DIP2C: variants seen among roughly 807,000 people sequenced by gnomAD.
DIP2C encodes DIP2 acetate--CoA ligase C (putative), also known as disco-interacting protein 2 homolog C.
Under a neutral mutation model 192.4 loss-of-function variants are expected in DIP2C, and 33 were observed. The ratio of observed to expected loss-of-function variants is 0.17; its 90% CI spans 0.13 to 0.23. The LOEUF is 0.23. Ranked by LOEUF, DIP2C falls within the 10% of genes least tolerant of loss-of-function variation. The pLI is 1.00. For synonymous variants in DIP2C, 979 were observed against 864.1 expected (o/e 1.13, Z -2.33); for missense variants, 1,537 against 2,110.1 (o/e 0.73, Z 5.32).
intron 1 of DIP2C, among the ~76,000 whole-genome samples, chr10:544,665 T>A (rs549577503): frequency 6.6e-6 from 1 of 152,218 alleles, no homozygotes; most frequent in Non-Finnish European, 1.5e-5. Context: ...TGGTTTTCAT[T>A]TTCATTTCTA....
At chr10:672,550 C>A (rs112022633) in intron 1 of DIP2C, among the ~76,000 whole-genome samples, 1 of 152,212 alleles carries the variant, frequency 6.6e-6, no homozygotes, top group African/African-American at 2.4e-5. Context: ...AACTGGAGGT[C>A]ACCATTAAAC....
intron 3 of DIP2C, among the ~76,000 whole-genome samples, chr10:463,233 T>C (rs936947470): frequency 6.6e-6 from 1 of 152,204 alleles, no homozygotes; most frequent in African/African-American, 2.4e-5. Context: ...GATGACATGA[T>C]TGTTATTTAG....
At position 473,908 on chromosome 10, in the gene DIP2C, G is replaced by A. The variant is rs907988534; in HGVS notation, c.158-1359C>T. Among the ~76,000 whole-genome samples, 6 of 152,276 alleles carry A rather than the reference G, an allele frequency of 3.9e-5. 1 individual carries two copies. Among genetic ancestry groups the A allele is most frequent in the South Asian group, 4.1e-4 (2 of 4,824 alleles). On this transcript the variant is annotated intron_variant, in intron 2 of 36. Transcript: ENST00000280886. ...TCTGAACATCAGCTTTTGATGGTGC[G>A]TGTGTGGGTCTCATGTATCAGGCTG...
At chr10:539,351 A>G (rs1315127827) in intron 1 of DIP2C, among the ~76,000 whole-genome samples, 1 of 152,338 alleles carries the variant, frequency 6.6e-6, no homozygotes, top group South Asian at 2.1e-4. Context: ...AGACTTTATT[A>G]TTCATTAAAC....
chr10:460,543 G>A (rs958761780), intron 3 of DIP2C, among the ~76,000 whole-genome samples: 3 of 152,136 alleles, frequency 2.0e-5, no homozygotes, highest in Admixed American at 1.3e-4. Flanking sequence ...TATTAACTAG[G>A]TCAATTATGT....
Position 424,382 on chromosome 10 carries a change from T to TTTTTTTTTG in DIP2C, c.395-1350_395-1349insCAAAAAAAA, listed in dbSNP as rs1388302720. Among the ~76,000 whole-genome samples, 24 of 101,406 alleles carry TTTTTTTTTG rather than the reference T, an allele frequency of 2.4e-4. 1 individual carries two copies. The highest frequency in any genetic ancestry group is 6.8e-4 in the Admixed American group (6 of 8,790). The allele number at this position is 101,406 out of a possible 152,430, so 66.5% of individuals were successfully genotyped here. A position where few individuals can be genotyped will look rare whatever the true frequency, so the allele number is the denominator to read the frequency against. On this transcript the variant is annotated intron_variant, in intron 4 of 36. Coordinates refer to ENST00000280886, the MANE Select transcript of DIP2C (RefSeq NM_014974.3). ...TTTTTTTTTTTTTTTTTTTTTTTTTTTGAGACAGAGTCTTCCTCTGTTGCC... is the reference window on the plus strand; with the variant it reads ...TTTTTTTTTTTTTTTTTTTTTTTTTTTTTTTTTTGTGAGACAGAGTCTTCCTCTGTTGCC...
intron 1 of DIP2C, among the ~76,000 whole-genome samples, chr10:577,309 A>C (rs916828234): frequency 1.3e-5 from 2 of 152,234 alleles, no homozygotes; most frequent in African/African-American, 4.8e-5. Context: ...ATTAGCAAAA[A>C]TTTAGAGGAA....
rs1023032127 is a variant in DIP2C at position 361,908 on chromosome 10, G to C, written c.2794+582C>G. On this transcript the variant is annotated intron_variant, in intron 22 of 36. Transcript: ENST00000280886. ...TGTTCCCTGCAACTCCACATTCCCC[G>C]TGTCAATCATAAAAACCAGGGACCG... Among the ~76,000 whole-genome samples, 24 of 151,930 alleles carry C rather than the reference G, an allele frequency of 1.6e-4. 1 individual carries two copies. The highest frequency in any genetic ancestry group is 1.6e-3 in the Admixed American group (24 of 15,254).
At chr10:618,432 G>A (rs939116795) in intron 1 of DIP2C, among the ~76,000 whole-genome samples, 1 of 152,200 alleles carries the variant, frequency 6.6e-6, no homozygotes, top group Non-Finnish European at 1.5e-5. Flanking sequence ...GGAGGAGCAA[G>A]CTGACCTGCC....
intron 3 of DIP2C, 28 bp downstream of exon 3, chr10:472,411 G>T: frequency 6.3e-7 from 1 of 1,595,984 alleles, no homozygotes; most frequent in Non-Finnish European, 8.6e-7. Context: ...GCAGATGGAC[G>T]TATTGTATCA....
intron 32 of DIP2C, among the ~76,000 whole-genome samples, chr10:295,774 C>CGAGGT (rs1955725710): frequency 6.6e-6 from 1 of 151,880 alleles, no homozygotes; most frequent in Non-Finnish European, 1.5e-5. Context: ...CTTGGGAGGC[C>CGAGGT]GAGGTGGGCT....
intron 1 of DIP2C, chr10:668,016 AACAT>A (rs568082980): frequency 7.7e-4 from 117 of 152,374 alleles, no homozygotes; most frequent in African/African-American, 2.6e-3. Context: ...ACACTCATAC[AACAT>A]ACAGACAACA....
chr10:283,504 GACT>G (rs1954945858), intron 34 of DIP2C, 58 bp from the exon 35 acceptor site: 1 of 1,584,464 alleles, frequency 6.3e-7, no homozygotes, highest in Non-Finnish European at 8.6e-7. Context: ...AGGGAAATGA[GACT>G]ACAACTACTT....
At chr10:648,714 C>G (rs541192306) in intron 1 of DIP2C, among the ~76,000 whole-genome samples, 1 of 148,088 alleles carries the variant, frequency 6.8e-6, no homozygotes, top group South Asian at 2.2e-4. Flanking sequence ...TAGGAGAGAA[C>G]AGAGCGAAAC....
At chr10:614,994 GTGA>G (rs1218934949) in intron 1 of DIP2C, among the ~76,000 whole-genome samples, 1 of 152,260 alleles carries the variant, frequency 6.6e-6, no homozygotes, top group Non-Finnish European at 1.5e-5. Flanking sequence ...GCCACCAGAT[GTGA>G]TGACACAGCC....
chr10:350,380 A>G (rs1958732315), intron 24 of DIP2C, among the ~76,000 whole-genome samples: 1 of 152,198 alleles, frequency 6.6e-6, no homozygotes. Flanking sequence ...TAAATTACAA[A>G]TTATAAGCAC....
At chr10:492,264 C>A (rs1301874268) in intron 1 of DIP2C, among the ~76,000 whole-genome samples, 1 of 152,198 alleles carries the variant, frequency 6.6e-6, no homozygotes, top group African/African-American at 2.4e-5. Context: ...GCGTTGGAGG[C>A]TTCTCCCTGC....
At chr10:411,857 G>A (rs192431132) in intron 8 of DIP2C, among the ~76,000 whole-genome samples, 124 of 152,288 alleles carry the variant, frequency 8.1e-4, no homozygotes, top group African/African-American at 2.6e-3. Context: ...TGTTCACTGC[G>A]TTTTCATCTG....
At chr10:634,992 C>T (rs1284388204) in intron 1 of DIP2C, among the ~76,000 whole-genome samples, 3 of 152,138 alleles carry the variant, frequency 2.0e-5, no homozygotes, top group South Asian at 2.1e-4. Context: ...TTTACGCAGA[C>T]GTCAGTCTTC....
Sources: allele counts gnomAD v4.1 joint callset (sites outside exome capture counted in the v4.1 genomes callset), GRCh38; gene constraint gnomAD v4.1.1; transcripts MANE v1.5; gene names NCBI Gene and HGNC (gene_info 2026-07-23, HGNC 2026-07-21).